CLIP2: variants seen among roughly 807,000 people sequenced by gnomAD.
CLIP2 encodes the protein CAP-Gly domain-containing linker protein 2.
In CLIP2, 41 loss-of-function variants were observed where a neutral mutation model predicts 111.7. That is an observed-to-expected ratio of 0.37 (90% confidence interval 0.29 to 0.48). The LOEUF is 0.48. Ranked by LOEUF, CLIP2 falls within the 20% of genes least tolerant of loss-of-function variation. CLIP2 has a pLI of 0.99. For synonymous variants in CLIP2, 660 were observed against 644.2 expected (o/e 1.02, Z -0.37); for missense variants, 1,160 against 1,422.1 (o/e 0.82, Z 2.96).
intron 1 of CLIP2, among the ~76,000 whole-genome samples, chr7:74,311,092 G>C (rs1788630347): frequency 6.6e-6 from 1 of 151,308 alleles, no homozygotes. Context: ...CCATTCTCCT[G>C]CCTCAGCCTC....
At chr7:74,308,337 C>T (rs1788551025) in intron 1 of CLIP2, among the ~76,000 whole-genome samples, 1 of 152,044 alleles carries the variant, frequency 6.6e-6, no homozygotes, top group Non-Finnish European at 1.5e-5. Context: ...GTTGGGAGGC[C>T]AGACCGGCTG....
intron 4 of CLIP2, among the ~76,000 whole-genome samples, chr7:74,356,033 CTG>C (rs1262121575): frequency 3.9e-5 from 6 of 152,172 alleles, no homozygotes; most frequent in African/African-American, 9.7e-5. Flanking sequence ...AGCTGTGTGA[CTG>C]TGGGCAAGTT....
chr7:74,336,866 T>G (rs797034444), intron 2 of CLIP2, among the ~76,000 whole-genome samples: 15 of 22,710 alleles, frequency 6.6e-4, no homozygotes, highest in Admixed American at 1.1e-3. Context: ...TTTTGTTTTT[T>G]TTTTTTTTGT....
chr7:74,334,905 T>G (rs1401019003), intron 2 of CLIP2, among the ~76,000 whole-genome samples: 2 of 151,748 alleles, frequency 1.3e-5, no homozygotes, highest in African/African-American at 4.8e-5. Flanking sequence ...TGAGAATTGC[T>G]TAAACCTGGG....
chr7:74,396,460 A>ATGTG (rs141831013), intron 13 of CLIP2, among the ~76,000 whole-genome samples: 8 of 151,028 alleles, frequency 5.3e-5, no homozygotes, highest in African/African-American at 1.9e-4. Flanking sequence ...TTTTGGGGTT[A>ATGTG]TGTGTGTGTG....
At chr7:74,324,683 C>T (rs73131356) in intron 2 of CLIP2, among the ~76,000 whole-genome samples, 2,259 of 152,202 alleles carry the variant, frequency 0.015, 29 homozygotes, top group Non-Finnish European at 0.023. Context: ...GCTGCCTTTG[C>T]AGGGCAGAAC....
intron 16 of CLIP2, among the ~76,000 whole-genome samples, chr7:74,402,015 C>T (rs1257241251): frequency 6.6e-6 from 1 of 151,914 alleles, no homozygotes; most frequent in Admixed American, 6.6e-5. Context: ...GTAATCCCAA[C>T]ACTTTGGGAG....
chr7:74,376,512 G>A lies in CLIP2; in HGVS notation c.2111G>A (p.Arg704Gln), dbSNP rs782715037. ...EELAGLQRHW[R>Q]AQLEVQASQH... is the part of the protein sequence containing the mutation. ...CTGGCTGGGCTGCAGCGGCACTGGC[G>A]GGCCCAGCTGGAGGTGCAAGCCAGC... The change falls in exon 10 of 17, where the codon CGG becomes CAG. Residue 704 changes from arginine (R) to glutamine (Q), a missense_variant. This residue lies in a region of CLIP2 where 676 missense variants were observed against 777.8 expected (regional missense o/e 0.87). Transcript: ENST00000223398. The surrounding 1 kb of genome is among the most constrained non-coding windows in gnomAD (Gnocchi z 7.1). 14 of 1,603,928 alleles carry A rather than the reference G, an allele frequency of 8.7e-6. No individual in the cohort carries two copies. Among genetic ancestry groups the A allele is most frequent in the South Asian group, 1.1e-5 (1 of 90,412 alleles).
intron 2 of CLIP2, among the ~76,000 whole-genome samples, chr7:74,323,367 C>T (rs1481839760): frequency 8.6e-5 from 13 of 151,536 alleles, no homozygotes; most frequent in African/African-American, 2.7e-4. Context: ...CCACCTCAGC[C>T]TACCAAAGGG....
intron 12 of CLIP2, among the ~76,000 whole-genome samples, chr7:74,386,905 C>A (rs1228379456): frequency 6.6e-6 from 1 of 151,878 alleles, no homozygotes; most frequent in Non-Finnish European, 1.5e-5. Context: ...CACCTGTAAT[C>A]CCAGCTACTC....
In CLIP2 at chr7:74,317,582, TG is replaced by T; in HGVS notation, c.42del (p.Lys15SerfsTer73). The T allele has an allele frequency of 4.0e-6, 6 of 1,493,832 alleles. No individual in the cohort carries two copies. The highest frequency in any genetic ancestry group is 1.3e-5 in the South Asian group (1 of 74,892). 92.5% of individuals were successfully genotyped at this position (1,493,832 alleles called of 1,614,324 possible). A position where few individuals can be genotyped will look rare whatever the true frequency, so the allele number is the denominator to read the frequency against. On this transcript the variant is annotated frameshift_variant, in exon 2 of 17. Transcript: ENST00000223398. LOFTEE classifies it high-confidence loss of function. ...KPSGLKPPGRGGKHSSPMGRT... is the reference protein window; with the variant it reads ...KPSGLKPPGRXGKHSSPMGRT... The stretch of plus-strand genomic sequence containing the variant: ...CCAGCGGCCTGAAGCCCCCCGGCCG[TG>T]GGGGGAAGCACTCCAGCCCCATGGG...
chr7:74,393,868 C>G (rs1374283260), intron 13 of CLIP2, among the ~76,000 whole-genome samples: 1 of 152,212 alleles, frequency 6.6e-6, no homozygotes, highest in Admixed American at 6.6e-5. Context: ...CAGATGCAGC[C>G]TGTGTTTTTC....
At chr7:74,321,447 G>A (rs890899519) in intron 2 of CLIP2, among the ~76,000 whole-genome samples, 7 of 152,030 alleles carry the variant, frequency 4.6e-5, no homozygotes, top group African/African-American at 1.4e-4. Context: ...ATGTTGCAGC[G>A]CAATTACTTT....
intron 14 of CLIP2, among the ~76,000 whole-genome samples, chr7:74,399,228 T>C (rs1298321864): frequency 1.3e-5 from 2 of 149,298 alleles, no homozygotes; most frequent in Admixed American, 6.7e-5. Flanking sequence ...CATAAGACAG[T>C]TGGGTGGGGG....
chr7:74,393,034 CTTTT>C (rs532112634), intron 13 of CLIP2, among the ~76,000 whole-genome samples: 3 of 120,994 alleles, frequency 2.5e-5, no homozygotes, highest in Non-Finnish European at 1.8e-5. Flanking sequence ...TAAGCATTTG[CTTTT>C]TTTTTTTTTT....
intron 1 of CLIP2, among the ~76,000 whole-genome samples, chr7:74,311,258 C>A (rs1462017911): frequency 6.6e-6 from 1 of 152,148 alleles, no homozygotes; most frequent in Admixed American, 6.6e-5. Context: ...GGATTACAGG[C>A]ATGAGCCACT....
At chr7:74,399,365 G>A (rs987976035) in intron 14 of CLIP2, among the ~76,000 whole-genome samples, 1 of 151,876 alleles carries the variant, frequency 6.6e-6, no homozygotes, top group Non-Finnish European at 1.5e-5. Flanking sequence ...TAACAAGACC[G>A]CATCTCTACA....
chr7:74,370,604 C>G (rs1382972376), intron 8 of CLIP2, among the ~76,000 whole-genome samples: 2 of 143,584 alleles, frequency 1.4e-5, no homozygotes, highest in East Asian at 2.1e-4. Context: ...CCCTCCCCCC[C>G]ACCACCACCC....
intron 13 of CLIP2, among the ~76,000 whole-genome samples, chr7:74,396,680 C>T (rs1403899513): frequency 2.0e-5 from 3 of 152,096 alleles, no homozygotes; most frequent in African/African-American, 7.2e-5. Context: ...ACCACCACGA[C>T]TGGCTAATTT....
Sources: allele counts gnomAD v4.1 joint callset (sites outside exome capture counted in the v4.1 genomes callset), GRCh38; gene constraint gnomAD v4.1.1; regional missense constraint gnomAD v4.1.1; non-coding constraint Gnocchi (gnomAD v3.1); transcripts MANE v1.5; gene names NCBI Gene and HGNC (gene_info 2026-07-23, HGNC 2026-07-21).